Variants in ERAP2 observed in about 807,000 individuals in gnomAD.
ERAP2 encodes leukocyte-derived arginine aminopeptidase.
A neutral mutation model predicts 111.1 loss-of-function variants in ERAP2; 118 were observed. The ratio of observed to expected loss-of-function variants is 1.06; its 90% CI spans 0.92 to 1.24. The LOEUF is 1.24. Ranked by LOEUF, ERAP2 falls within the 50% of genes most tolerant of loss-of-function variation. The pLI, the probability that ERAP2 is intolerant of heterozygous loss-of-function variation, is 0.00. For missense variants in ERAP2, 1,131 were observed against 1,125.8 expected (o/e 1.00, Z -0.07); for synonymous variants, 410 against 401.2 (o/e 1.02, Z -0.26).
intron 2 of ERAP2, 123 bp downstream of exon 2, chr5:96,880,383 G>A: frequency 1.1e-6 from 1 of 886,136 alleles, no homozygotes; most frequent in South Asian, 1.8e-5. Context: ...GGGGAACCCA[G>A]AAGAAGGAAA....
chr5:96,902,668 A>T, intron 12 of ERAP2: 1 of 194,086 alleles, frequency 5.2e-6, no homozygotes. Flanking sequence ...AAAAATGTTC[A>T]GTGGAAAAAA....
intron 3 of ERAP2, among the ~76,000 whole-genome samples, chr5:96,884,932 A>G (rs1783571002): frequency 6.8e-6 from 1 of 147,558 alleles, no homozygotes; most frequent in African/African-American, 2.5e-5. Flanking sequence ...AAACAGCTAA[A>G]TCCTTGTCTA....
intron 13 of ERAP2, among the ~76,000 whole-genome samples, chr5:96,906,414 A>G (rs1266084337): frequency 6.6e-6 from 1 of 152,074 alleles, no homozygotes; most frequent in East Asian, 1.9e-4. Context: ...CTACAGGCAC[A>G]CACCACCATG....
Position 96,902,304 on chromosome 5 carries a change from C to A in ERAP2, c.1779C>A (p.Ser593=). 1 of 1,612,306 alleles carries A rather than the reference C, an allele frequency of 6.2e-7. No individual in the cohort carries two copies. Among genetic ancestry groups the A allele is most frequent in the Middle Eastern group, 1.7e-4 (1 of 6,054 alleles). ...TGTGGCATATCCCATTGACCTACTC[C>A]ACGAGTTCTTCTAATGTGATCCACA... The part of the protein sequence containing the change: ...RYLWHIPLTY[S]TSSSNVIHRH... Residue 593 remains serine, a synonymous_variant, in exon 12 of 19, where the codon TCC becomes TCA. Transcript: ENST00000437043.
intron 15 of ERAP2, among the ~76,000 whole-genome samples, chr5:96,912,254 G>A (rs1474386766): frequency 6.9e-6 from 1 of 144,846 alleles, no homozygotes; most frequent in African/African-American, 2.5e-5. Flanking sequence ...AAAGCATCAA[G>A]TAATCATCTT....
At chr5:96,891,462 CAT>C (rs1490463623) in intron 5 of ERAP2, among the ~76,000 whole-genome samples, 10 of 145,032 alleles carry the variant, frequency 6.9e-5, no homozygotes, top group East Asian at 6.1e-4. Flanking sequence ...CACACACACA[CAT>C]ATACAGGTAT....
At chr5:96,912,819 A>G (rs537846656) in intron 16 of ERAP2, 21 bp downstream of exon 16, 5 of 1,574,560 alleles carry the variant, frequency 3.2e-6, no homozygotes, top group Non-Finnish European at 4.3e-6. Context: ...TAATTTAACT[A>G]AATTGTTATA....
In ERAP2 at chr5:96,895,376, G is replaced by C; in HGVS notation, c.1239+17G>C. 1 of 1,467,166 alleles carries C rather than the reference G, an allele frequency of 6.8e-7. No individual in the cohort carries two copies. The highest frequency in any genetic ancestry group is 9.5e-7 in the Non-Finnish European group (1 of 1,047,872). 90.9% of individuals were successfully genotyped at this position (1,467,166 alleles called of 1,614,324 possible). A position where few individuals can be genotyped will look rare whatever the true frequency, so the allele number is the denominator to read the frequency against. ...CTGCAATTTGTAAGTTCACAATTCT[G>C]TGTATCATACTATATGGTGTAAAGA... On this transcript the variant is annotated intron_variant, in intron 7 of 18. Coordinates refer to ENST00000437043, the MANE Select transcript of ERAP2 (RefSeq NM_022350.5).
chr5:96,879,955 C>A lies in ERAP2; in HGVS notation c.270C>A (p.Asp90Glu). 6.2e-7 allele frequency: 1 copy of A among 1,614,184 alleles called. No individual in the cohort carries two copies. The highest frequency in any genetic ancestry group is 8.5e-7 in the Non-Finnish European group (1 of 1,180,030). The change falls in exon 2 of 19, where the codon GAC becomes GAA. Residue 90 changes from aspartate to glutamate, a missense_variant. By Grantham distance (45) the Asp-to-Glu change is conservative. Around this residue, in one of 3 missense-constraint regions of ERAP2, gnomAD observed 847 missense variants for 856.5 expected, o/e 0.99. Coordinates refer to ENST00000437043, the MANE Select transcript of ERAP2 (RefSeq NM_022350.5). ...LFVHPNLTSL[D>E]FVASEKIEVL... ...TCCACCCCAATCTCACCTCTCTGGA[C>A]TTTGTTGCATCTGAGAAGATCGAAG...
At position 96,891,497 on chromosome 5, in the gene ERAP2, GTGTA is replaced by G. The variant is rs1784363870; in HGVS notation, c.971-800_971-797del. 3.5e-5 allele frequency among the ~76,000 whole-genome samples: 3 copies of G among 85,360 alleles called. No homozygotes were observed. In the South Asian group the frequency reaches 1.2e-3, roughly 35 times the overall value. 56.0% of individuals were successfully genotyped at this position (85,360 alleles called of 152,430 possible). ...TATATATATATATGTGTGTGTGTGT[GTGTA>G]TATATATATATATATGCCCATATAC... On this transcript the variant is annotated intron_variant, in intron 5 of 18. Transcript: ENST00000437043.
Position 96,891,874 on chromosome 5 carries a change from C to T in ERAP2, c.971-425C>T, listed in dbSNP as rs565447296. On this transcript the variant is annotated intron_variant, in intron 5 of 18. Transcript: ENST00000437043. ...AAAATCATGCATCTTTTTGTTTTTT[C>T]TAAAAATAAGTTCATTATACGTTTT... Among the ~76,000 whole-genome samples, 40 of 151,916 alleles carry T rather than the reference C, an allele frequency of 2.6e-4. 1 individual carries two copies. In the East Asian group the frequency reaches 3.5e-3, roughly 13 times the overall value.
chr5:96,889,796 T>C (rs1306628895), intron 5 of ERAP2, among the ~76,000 whole-genome samples: 2 of 151,260 alleles, frequency 1.3e-5, no homozygotes, highest in African/African-American at 2.4e-5. Context: ...CCCAGCAGCA[T>C]TGATTAGAGA....
intron 15 of ERAP2, 75 bp downstream of exon 15, chr5:96,909,839 G>A: frequency 1.4e-6 from 2 of 1,448,656 alleles, no homozygotes; most frequent in Admixed American, 4.6e-5. Context: ...CAAGACATTA[G>A]GTCTAAAACC....
chr5:96,883,503 T>C (rs1469812602), intron 2 of ERAP2, among the ~76,000 whole-genome samples: 1 of 152,246 alleles, frequency 6.6e-6, no homozygotes, highest in Admixed American at 6.5e-5. Flanking sequence ...CTGCGGATCC[T>C]GCTAAGGTCA....
chr5:96,912,794 C>A lies in ERAP2; in HGVS notation c.2512C>A (p.Leu838Met). The A allele has an allele frequency of 6.3e-7, 1 of 1,594,324 alleles. No homozygotes were observed. The highest frequency in any genetic ancestry group is 8.5e-7 in the Non-Finnish European group (1 of 1,174,416). The stretch of plus-strand genomic sequence containing the variant: ...AACGAGCAAGCATCAGGAAAAGTTA[C>A]TGAAGTAAGTTCAATAATTTAACTA... ...LSTSKHQEKLLKLIELGMEGK... is the reference protein window; with the variant it reads ...LSTSKHQEKLMKLIELGMEGK... Residue 838 changes from leucine to methionine, a missense_variant, in exon 16 of 19, where the codon CTG becomes ATG. Leu to Met is a conservative substitution (Grantham distance 15). This residue lies in a region of ERAP2 where 279 missense variants were observed against 250.9 expected (regional missense o/e 1.11). Transcript: ENST00000437043.
At chr5:96,886,207 T>C (rs1045609420) in intron 3 of ERAP2, among the ~76,000 whole-genome samples, 3 of 152,202 alleles carry the variant, frequency 2.0e-5, no homozygotes, top group African/African-American at 7.2e-5. Flanking sequence ...AAAGATAATG[T>C]GCAGCCTCTA....
chr5:96,916,538 A>G (rs941074212), intron 18 of ERAP2, among the ~76,000 whole-genome samples: 2 of 133,620 alleles, frequency 1.5e-5, no homozygotes, highest in African/African-American at 5.8e-5. Context: ...ATCTCGGCTC[A>G]CTGCAAGCTC....
In ERAP2 at chr5:96,909,738, G is replaced by A; in HGVS notation, c.2328G>A (p.Gln776=). 4 of 1,614,162 alleles carry A rather than the reference G, an allele frequency of 2.5e-6. No homozygotes were observed. The highest frequency in any genetic ancestry group is 3.4e-6 in the Non-Finnish European group (4 of 1,179,990). ...CIQKAAELFS[Q]WMESSGKLNI... Reference sequence around the variant, plus strand: ...AGAAAGCTGCTGAACTCTTCTCCCAGTGGATGGAATCCAGTGGAAAATTAA... The same window carrying A: ...AGAAAGCTGCTGAACTCTTCTCCCAATGGATGGAATCCAGTGGAAAATTAA... Residue 776 remains glutamine, a synonymous_variant, in exon 15 of 19, where the codon CAG becomes CAA. Transcript: ENST00000437043.
chr5:96,883,645 A>G (rs1325942102), intron 2 of ERAP2, 147 bp from the exon 3 acceptor site: 2 of 784,586 alleles, frequency 2.5e-6, no homozygotes, highest in Non-Finnish European at 3.9e-6. Context: ...ATTTTCCTCA[A>G]AGAGACAGTT....
Sources: gnomAD v4.1 joint callset for allele counts (sites outside exome capture counted in the v4.1 genomes callset) on GRCh38, gnomAD v4.1.1 for gene constraint, gnomAD v4.1.1 regional missense constraint, MANE v1.5 for transcripts, NCBI Gene and HGNC (gene_info 2026-07-23, HGNC 2026-07-21) for gene names.